Variants in AK9 observed in about 807,000 individuals in gnomAD.
AK9 encodes adenylate kinase domain containing 1.
Under a neutral mutation model 239.6 loss-of-function variants are expected in AK9, and 191 were observed. The observed-to-expected ratio is 0.80, with a 90% CI of 0.71 to 0.90. AK9 has a LOEUF of 0.90. Ranked by LOEUF, AK9 falls within the 40% of genes least tolerant of loss-of-function variation. The pLI, the probability that AK9 is intolerant of heterozygous loss-of-function variation, is 0.00. For synonymous variants in AK9, 689 were observed against 721.0 expected (o/e 0.96, Z 0.71); for missense variants, 1,995 against 2,214.7 (o/e 0.90, Z 1.99).
chr6:109,544,176 G>A (rs1783235947), intron 26 of AK9, among the ~76,000 whole-genome samples: 1 of 152,128 alleles, frequency 6.6e-6, no homozygotes, highest in African/African-American at 2.4e-5. Flanking sequence ...AACACCATAT[G>A]TCACTCACTA....
chr6:109,575,632 G>C (rs1017441583), intron 20 of AK9, among the ~76,000 whole-genome samples: 1 of 152,070 alleles, frequency 6.6e-6, no homozygotes, highest in African/African-American at 2.4e-5. Flanking sequence ...TGGGTTGTCT[G>C]TTTACTCTGC....
Position 109,585,214 on chromosome 6 carries a change from A to G in AK9, c.2023T>C (p.Tyr675His). ...NNGKCLFNRI[Y>H]LQKKSEIDSK... ...TCAATTTCAGATTTCTTCTGTAAAT[A>G]TATTCTATTAAATAAACATTTTCCT... The change falls in exon 19 of 41, where the codon TAT (tyrosine) becomes CAT (histidine). Residue 675 changes from tyrosine to histidine, a missense_variant. Physicochemically the swap from Tyr to His is moderately conservative, Grantham distance 83. Transcript: ENST00000424296. 1.1e-6 allele frequency: 1 copy of G among 941,896 alleles called. No individual in the cohort carries two copies. The highest frequency in any genetic ancestry group is 1.4e-6 in the Non-Finnish European group (1 of 711,426). The allele number at this position is 941,896 out of a possible 1,614,324, so 58.3% of individuals were successfully genotyped here.
chr6:109,560,261 C>T (rs1170095456), intron 24 of AK9, among the ~76,000 whole-genome samples: 1 of 152,156 alleles, frequency 6.6e-6, no homozygotes, highest in African/African-American at 2.4e-5. Context: ...ATCTGAATGC[C>T]TTTTATTTCT....
intron 24 of AK9, among the ~76,000 whole-genome samples, chr6:109,554,611 A>G (rs1023906416): frequency 7.0e-6 from 1 of 143,698 alleles, no homozygotes; most frequent in Admixed American, 7.5e-5. Context: ...TGCTCACTGC[A>G]ACCTCCACCT....
chr6:109,645,692 T>C (rs1190448359), intron 8 of AK9, among the ~76,000 whole-genome samples: 1 of 152,240 alleles, frequency 6.6e-6, no homozygotes, highest in African/African-American at 2.4e-5. Context: ...TCTGACAGCT[T>C]TGAAGACAGC....
At chr6:109,620,577 T>C (rs1003256028) in intron 12 of AK9, among the ~76,000 whole-genome samples, 3 of 152,094 alleles carry the variant, frequency 2.0e-5, no homozygotes, top group African/African-American at 4.8e-5. Flanking sequence ...TATGTGTCTT[T>C]AATTAATATT....
At chr6:109,615,120 C>T (rs934192685) in intron 13 of AK9, among the ~76,000 whole-genome samples, 1 of 152,192 alleles carries the variant, frequency 6.6e-6, no homozygotes, top group East Asian at 1.9e-4. Flanking sequence ...GGCTAACTTC[C>T]TGCCTTGGTC....
chr6:109,526,101 AGAG>A (rs749506638), intron 29 of AK9, among the ~76,000 whole-genome samples: 18 of 152,122 alleles, frequency 1.2e-4, no homozygotes, highest in Admixed American at 5.2e-4. Flanking sequence ...ATGGACACAA[AGAG>A]GAGAACAAAA....
At chr6:109,565,943 G>T (rs1475420824) in intron 21 of AK9, among the ~76,000 whole-genome samples, 3 of 152,066 alleles carry the variant, frequency 2.0e-5, no homozygotes, top group South Asian at 4.1e-4. Flanking sequence ...GGACTGGCCT[G>T]GTGGTGGCAT....
intron 21 of AK9, among the ~76,000 whole-genome samples, chr6:109,566,398 G>C (rs962748123): frequency 3.3e-5 from 5 of 152,056 alleles, no homozygotes; most frequent in Non-Finnish European, 7.4e-5. Flanking sequence ...TTGATCCAAA[G>C]ATTCAGATGA....
intron 26 of AK9, among the ~76,000 whole-genome samples, chr6:109,544,923 C>T (rs886248398): frequency 6.6e-6 from 1 of 152,086 alleles, no homozygotes; most frequent in Non-Finnish European, 1.5e-5. Flanking sequence ...CAAATAAATG[C>T]TATAAAACAG....
Position 109,564,863 on chromosome 6 carries a change from ATAGT to A in AK9, c.2345-22_2345-19del, listed in dbSNP as rs1162482784. ...CTCAGATACTTAAGAAAGAAATCGA[ATAGT>A]TAGTGTTTAAATTTGAAAACATTAT... is the stretch of plus-strand genomic sequence containing the variant. On this transcript the variant is annotated intron_variant, in intron 21 of 40. Transcript: ENST00000424296. The A allele has an allele frequency of 1.0e-5, 15 of 1,494,374 alleles. No homozygotes were observed. The highest frequency in any genetic ancestry group is 1.3e-5 in the Non-Finnish European group (14 of 1,110,146). The allele number at this position is 1,494,374 out of a possible 1,614,324, so 92.6% of individuals were successfully genotyped here. A position where few individuals can be genotyped will look rare whatever the true frequency, so the allele number is the denominator to read the frequency against.
chr6:109,532,499 C>T (rs142952935), intron 28 of AK9, among the ~76,000 whole-genome samples: 18 of 152,292 alleles, frequency 1.2e-4, no homozygotes, highest in African/African-American at 1.7e-4. Context: ...TGGAATTGTA[C>T]GGGATGCACT....
chr6:109,671,385 T>C (rs1301825860), intron 5 of AK9, among the ~76,000 whole-genome samples: 2 of 152,230 alleles, frequency 1.3e-5, no homozygotes, highest in Non-Finnish European at 2.9e-5. Flanking sequence ...CAGTGGTCTT[T>C]GTCTTGAAAA....
intron 7 of AK9, among the ~76,000 whole-genome samples, chr6:109,657,947 C>T (rs1019077506): frequency 3.3e-5 from 5 of 152,138 alleles, no homozygotes; most frequent in African/African-American, 1.2e-4. Flanking sequence ...AATGTACACA[C>T]ATACATATTT....
At position 109,497,216 on chromosome 6, in the gene AK9, A is replaced by C. The variant is rs561455863; in HGVS notation, c.5315+249T>G. Among the ~76,000 whole-genome samples the C allele has an allele frequency of 2.0e-5, 3 of 151,996 alleles. No homozygotes were observed. In the East Asian group the frequency reaches 5.8e-4, roughly 30 times the overall value. ...TTAGACCTTTGGGCTACACTCTCTC[A>C]GAAGTCCAGGCATTTCCCCACCCTA... is the stretch of plus-strand genomic sequence containing the variant. On this transcript the variant is annotated intron_variant, in intron 38 of 40. Transcript: ENST00000424296.
At chr6:109,611,471 G>A (rs1026058972) in intron 16 of AK9, among the ~76,000 whole-genome samples, 3 of 152,144 alleles carry the variant, frequency 2.0e-5, no homozygotes, top group African/African-American at 7.2e-5. Context: ...TTTTGTCAAG[G>A]CTAGCAGTGT....
intron 1 of AK9, among the ~76,000 whole-genome samples, chr6:109,684,658 A>T (rs1773199690): frequency 6.7e-6 from 1 of 149,470 alleles, no homozygotes; most frequent in Non-Finnish European, 1.5e-5. Context: ...GCGGATCACG[A>T]GGTCAGGAGA....
At chr6:109,634,890 G>A (rs1583346490) in intron 10 of AK9, among the ~76,000 whole-genome samples, 2 of 152,200 alleles carry the variant, frequency 1.3e-5, no homozygotes, top group South Asian at 4.1e-4. Context: ...TCTCTAAAAG[G>A]TTAAGTATTT....
Sources: gnomAD v4.1 joint callset for allele counts (sites outside exome capture counted in the v4.1 genomes callset) on GRCh38, gnomAD v4.1.1 for gene constraint, MANE v1.5 for transcripts, NCBI Gene and HGNC (gene_info 2026-07-23, HGNC 2026-07-21) for gene names.